The following SYN3 variants were observed in gnomAD, a reference collection of about 807,000 sequenced individuals.
The protein encoded by SYN3 is synapsin III, also known as synapsin-3.
SYN3 carries 35 observed loss-of-function variants against 65.8 expected under a neutral mutation model. That is an observed-to-expected ratio of 0.53 (90% CI 0.41 to 0.70). The LOEUF is 0.70. SYN3 is among the 30% of genes least tolerant of loss of function. SYN3 has a pLI of 0.00. For missense variants in SYN3, 680 were observed against 749.0 expected (o/e 0.91, Z 1.08); for synonymous variants, 270 against 292.9 (o/e 0.92, Z 0.80).
chr22:32,673,396 G>A (rs2060398502), intron 6 of SYN3, among the ~76,000 whole-genome samples: 1 of 152,240 alleles, frequency 6.6e-6, no homozygotes, highest in Non-Finnish European at 1.5e-5. Flanking sequence ...CCCACTGTGG[G>A]TCTTGATGCA....
intron 3 of SYN3, among the ~76,000 whole-genome samples, chr22:32,954,559 T>C (rs926550412): frequency 1.9e-4 from 29 of 152,308 alleles, no homozygotes; most frequent in African/African-American, 7.0e-4. Context: ...CTGCAAAGTG[T>C]GTGAAAAAGT....
intron 1 of SYN3, among the ~76,000 whole-genome samples, chr22:33,028,763 C>G (rs1003613464): frequency 6.6e-6 from 1 of 151,542 alleles, no homozygotes; most frequent in Non-Finnish European, 1.5e-5. Context: ...GCACTGTGGC[C>G]AGCACGGTGG....
At chr22:32,594,294 C>A (rs2146574021) in intron 7 of SYN3, among the ~76,000 whole-genome samples, 1 of 152,166 alleles carries the variant, frequency 6.6e-6, no homozygotes, top group East Asian at 1.9e-4. Flanking sequence ...AACTTCCTGC[C>A]CTCAAGGTGT....
chr22:32,847,291 C>T (rs1047910409), intron 6 of SYN3, among the ~76,000 whole-genome samples: 2 of 152,190 alleles, frequency 1.3e-5, no homozygotes, highest in Non-Finnish European at 2.9e-5. Context: ...GCCGAGAATA[C>T]TACCGCAATG....
At chr22:32,879,144 G>A (rs1298361179) in intron 4 of SYN3, among the ~76,000 whole-genome samples, 1 of 152,128 alleles carries the variant, frequency 6.6e-6, no homozygotes, top group African/African-American at 2.4e-5. Context: ...TAAGTGTCTA[G>A]AAACTCTGCA....
chr22:32,607,196 A>T (rs1378919939), intron 6 of SYN3, among the ~76,000 whole-genome samples: 1 of 152,034 alleles, frequency 6.6e-6, no homozygotes, highest in Non-Finnish European at 1.5e-5. Flanking sequence ...GTGATTGTTG[A>T]GGAATGTCTG....
chr22:32,966,699 G>C (rs190917967), intron 3 of SYN3, among the ~76,000 whole-genome samples: 3 of 152,146 alleles, frequency 2.0e-5, no homozygotes, highest in Non-Finnish European at 2.9e-5. Flanking sequence ...GGGACCACTT[G>C]AGCACAGGAG....
Position 32,931,416 on chromosome 22 carries a change from G to A in SYN3, c.435C>T (p.Val145=), listed in dbSNP as rs745973905. ...TCACCACTTTGGTCCCATTTCTCAC[G>A]ACCTGCATGTCCACCATGCAGCCCC... ...VTGGCMVDMQ[V]VRNGTKVVSR... Residue 145 remains valine (V), a synonymous_variant, in exon 4 of 14, where the codon GTC becomes GTT. Transcript: ENST00000358763. The A allele has an allele frequency of 2.5e-5, 40 of 1,613,350 alleles. No individual in the cohort carries two copies. Among genetic ancestry groups the A allele is most frequent in the South Asian group, 2.0e-4 (18 of 91,052 alleles).
chr22:32,820,370 G>GTT (rs2047212245), intron 6 of SYN3, among the ~76,000 whole-genome samples: 1 of 150,864 alleles, frequency 6.6e-6, no homozygotes, highest in African/African-American at 2.4e-5. Flanking sequence ...GTGTGTGTGT[G>GTT]TGTGTGTGGT....
chr22:32,646,276 C>T (rs540700737), intron 6 of SYN3, among the ~76,000 whole-genome samples: 1 of 152,290 alleles, frequency 6.6e-6, no homozygotes, highest in South Asian at 2.1e-4. Flanking sequence ...ATTGGTGTTT[C>T]CTCCCACTGT....
At chr22:32,998,746 C>A in intron 2 of SYN3, among the ~76,000 whole-genome samples, 1 of 125,138 alleles carries the variant, frequency 8.0e-6, no homozygotes. Flanking sequence ...AAAATCAAAC[C>A]TGGGATTCTG....
chr22:32,876,449 A>C (rs1172151855), intron 4 of SYN3, among the ~76,000 whole-genome samples: 4 of 152,216 alleles, frequency 2.6e-5, no homozygotes, highest in Non-Finnish European at 5.9e-5. Context: ...TCATATTTAC[A>C]TAAAAGAAGG....
At chr22:32,876,910 G>A (rs193141861) in intron 4 of SYN3, among the ~76,000 whole-genome samples, 5 of 152,250 alleles carry the variant, frequency 3.3e-5, no homozygotes, top group Admixed American at 2.0e-4. Flanking sequence ...TAAAACTTTC[G>A]GTTGGTACAC....
intron 6 of SYN3, among the ~76,000 whole-genome samples, chr22:32,692,155 C>CAAAA (rs1188224009): frequency 3.5e-4 from 12 of 34,488 alleles, no homozygotes; most frequent in African/African-American, 7.6e-4. Context: ...GACAAAAAGA[C>CAAAA]AAAAAAAAAA....
chr22:32,958,212 C>A (rs1200082898), intron 3 of SYN3, among the ~76,000 whole-genome samples: 1 of 152,188 alleles, frequency 6.6e-6, no homozygotes, highest in Non-Finnish European at 1.5e-5. Context: ...ACAACCACAT[C>A]AACAGCAGCT....
chr22:32,797,265 T>G (rs1204426350), intron 6 of SYN3, among the ~76,000 whole-genome samples: 1 of 152,156 alleles, frequency 6.6e-6, no homozygotes, highest in Non-Finnish European at 1.5e-5. Flanking sequence ...TGCTGATCAT[T>G]GGACCCATTC....
chr22:32,947,755 T>C (rs2051158409), intron 3 of SYN3, among the ~76,000 whole-genome samples: 1 of 152,242 alleles, frequency 6.6e-6, no homozygotes, highest in African/African-American at 2.4e-5. Context: ...CTTCTATTGC[T>C]GCCATAAAAG....
At chr22:32,582,595 G>C (rs754992960) in intron 7 of SYN3, among the ~76,000 whole-genome samples, 2 of 152,050 alleles carry the variant, frequency 1.3e-5, no homozygotes, top group Non-Finnish European at 2.9e-5. Flanking sequence ...GCTTAGGTTG[G>C]TCTTGAACTC....
At chr22:32,551,363 C>T (rs1324089644) in intron 7 of SYN3, among the ~76,000 whole-genome samples, 1 of 152,028 alleles carries the variant, frequency 6.6e-6, no homozygotes, top group Non-Finnish European at 1.5e-5. Context: ...AGTATTCTTG[C>T]CAGAATCCAG....
Sources: allele counts gnomAD v4.1 joint callset (sites outside exome capture counted in the v4.1 genomes callset), GRCh38; gene constraint gnomAD v4.1.1; transcripts MANE v1.5; gene names NCBI Gene and HGNC (gene_info 2026-07-23, HGNC 2026-07-21).